APBA2: variants seen among roughly 807,000 people sequenced by gnomAD.
APBA2 encodes amyloid-beta A4 precursor protein-binding family A member 2.
A neutral mutation model predicts 75.0 loss-of-function variants in APBA2; 30 were observed. That is an observed-to-expected ratio of 0.40 (90% CI 0.30 to 0.54). The LOEUF is 0.54. Among genes scored for constraint, APBA2 ranks in the 20% least tolerant of loss-of-function variants. The pLI, the probability that APBA2 is intolerant of heterozygous loss-of-function variation, is 0.49. For synonymous variants in APBA2, 444 were observed against 409.6 expected (o/e 1.08, Z -1.01); for missense variants, 801 against 1,016.1 (o/e 0.79, Z 2.88).
chr15:29,014,413 T>C (rs2152819601), intron 3 of APBA2, among the ~76,000 whole-genome samples: 1 of 152,374 alleles, frequency 6.6e-6, no homozygotes, highest in East Asian at 1.9e-4. Context: ...TTCTTAGATG[T>C]GATCCCAAAA....
At chr15:28,919,896 A>C (rs1033801027) in intron 1 of APBA2, among the ~76,000 whole-genome samples, 2 of 152,154 alleles carry the variant, frequency 1.3e-5, no homozygotes, top group African/African-American at 4.8e-5. Flanking sequence ...CCGTGTGGCG[A>C]CAGTGGCATG....
chr15:28,886,338 G>A (rs1451486026), intron 1 of APBA2, 60 bp downstream of exon 1: 1 of 151,328 alleles, frequency 6.6e-6, no homozygotes, highest in African/African-American at 2.4e-5. Flanking sequence ...GGCCGCCCGG[G>A]GCGCCGCGAG....
intron 3 of APBA2, among the ~76,000 whole-genome samples, chr15:29,032,458 G>A (rs532559528): frequency 3.3e-5 from 5 of 152,176 alleles, no homozygotes; most frequent in South Asian, 4.1e-4. Flanking sequence ...CCAGCCTGCC[G>A]GCCTGCCCTG....
chr15:28,927,935 G>T (rs1048506290), intron 2 of APBA2, among the ~76,000 whole-genome samples: 2 of 151,092 alleles, frequency 1.3e-5, no homozygotes, highest in Non-Finnish European at 3.0e-5. Context: ...CCTGAGGTCG[G>T]GTGTTTGAGA....
At position 28,916,316 on chromosome 15, in the gene APBA2, G is replaced by A. The variant is rs2033689634; in HGVS notation, c.-204-5324G>A. On this transcript the variant is annotated intron_variant, in intron 1 of 14. Transcript: ENST00000683413. ...GGAAGTCCTGCTTCCTCCCCTTGCAGTCTACCCTTCCCCACAGGTCGTTTT... is the reference window on the plus strand; with the variant it reads ...GGAAGTCCTGCTTCCTCCCCTTGCAATCTACCCTTCCCCACAGGTCGTTTT... 2.6e-5 allele frequency among the ~76,000 whole-genome samples: 4 copies of A among 152,160 alleles called. 1 individual carries two copies. In the South Asian group the frequency reaches 8.3e-4, roughly 32 times the overall value.
At chr15:28,932,433 G>A (rs1294627623) in intron 2 of APBA2, among the ~76,000 whole-genome samples, 1 of 152,190 alleles carries the variant, frequency 6.6e-6, no homozygotes, top group Non-Finnish European at 1.5e-5. Context: ...GCACATGCAG[G>A]ATGTGACAAT....
intron 2 of APBA2, among the ~76,000 whole-genome samples, chr15:28,958,852 A>G: frequency 6.6e-6 from 1 of 151,738 alleles, no homozygotes; most frequent in East Asian, 1.9e-4. Flanking sequence ...CCTTTTTAAT[A>G]TCAGAAAATT....
intron 2 of APBA2, among the ~76,000 whole-genome samples, chr15:28,941,792 T>C (rs1228317696): frequency 1.3e-5 from 2 of 152,264 alleles, no homozygotes; most frequent in Non-Finnish European, 2.9e-5. Context: ...AGTCTCGCTC[T>C]TTCGCCCAGG....
chr15:29,114,318 C>T (rs1431300115), intron 14 of APBA2, among the ~76,000 whole-genome samples: 2 of 152,232 alleles, frequency 1.3e-5, no homozygotes, highest in Non-Finnish European at 2.9e-5. Context: ...GCTCTGGCCA[C>T]CCTGGCAGGC....
intron 3 of APBA2, among the ~76,000 whole-genome samples, chr15:29,013,932 C>T (rs554159937): frequency 1.6e-4 from 25 of 152,356 alleles, no homozygotes; most frequent in Middle Eastern, 3.4e-3. Context: ...CTTTCTCAAT[C>T]AAGCAGGATA....
At chr15:28,888,102 G>A (rs995575302) in intron 1 of APBA2, among the ~76,000 whole-genome samples, 5 of 152,304 alleles carry the variant, frequency 3.3e-5, no homozygotes, top group African/African-American at 1.2e-4. Context: ...TGGCCTGCTA[G>A]TTAACTTGTT....
Position 29,114,036 on chromosome 15 carries a change from GT to G in APBA2, c.2178+21del. On this transcript the variant is annotated intron_variant, in intron 14 of 14. Coordinates refer to ENST00000683413, the MANE Select transcript of APBA2 (RefSeq NM_001353788.2). The stretch of plus-strand genomic sequence containing the variant: ...GGAGAGGTAAGGAGGGACTTTGAGT[GT>G]GCCTCTGCATGCCGGTTCCCACGTG... 2.5e-6 allele frequency: 4 copies of G among 1,613,632 alleles called. No homozygotes were observed. The highest frequency in any genetic ancestry group is 3.4e-6 in the Non-Finnish European group (4 of 1,180,024).
intron 13 of APBA2, among the ~76,000 whole-genome samples, chr15:29,110,465 G>T (rs1393604352): frequency 6.6e-6 from 1 of 152,258 alleles, no homozygotes; most frequent in African/African-American, 2.4e-5. Flanking sequence ...CTCACTGACA[G>T]CCCTGTCGCT....
intron 1 of APBA2, among the ~76,000 whole-genome samples, chr15:28,907,841 A>T (rs1230371124): frequency 2.0e-5 from 3 of 152,090 alleles, no homozygotes; most frequent in Admixed American, 2.0e-4. Flanking sequence ...TCCCCAGGGG[A>T]GTGGCTGCTG....
At chr15:28,980,311 A>G (rs1003152539) in intron 2 of APBA2, among the ~76,000 whole-genome samples, 2 of 152,338 alleles carry the variant, frequency 1.3e-5, no homozygotes, top group Admixed American at 6.5e-5. Flanking sequence ...CACTGATGTT[A>G]TGATTCTATA....
At chr15:29,009,632 T>C (rs1261853360) in intron 3 of APBA2, among the ~76,000 whole-genome samples, 2 of 148,840 alleles carry the variant, frequency 1.3e-5, no homozygotes, top group Admixed American at 1.3e-4. Context: ...CCAAATGTTA[T>C]TTTTGCAAAT....
At chr15:29,029,340 A>G (rs1312369989) in intron 3 of APBA2, among the ~76,000 whole-genome samples, 1 of 152,068 alleles carries the variant, frequency 6.6e-6, no homozygotes, top group Admixed American at 6.5e-5. Context: ...ACCAAAAAAA[A>G]AAAACCCCTC....
intron 4 of APBA2, among the ~76,000 whole-genome samples, chr15:29,063,958 C>T (rs1319963946): frequency 6.6e-6 from 1 of 152,042 alleles, no homozygotes; most frequent in East Asian, 1.9e-4. Context: ...GGGTAAGGGC[C>T]TCCCAAGGTG....
chr15:28,930,895 C>G (rs1010340554), intron 2 of APBA2, among the ~76,000 whole-genome samples: 1 of 152,214 alleles, frequency 6.6e-6, no homozygotes, highest in Non-Finnish European at 1.5e-5. Flanking sequence ...CCCAGGCTGG[C>G]CCCACACTGG....
Sources: allele counts gnomAD v4.1 joint callset (sites outside exome capture counted in the v4.1 genomes callset), GRCh38; gene constraint gnomAD v4.1.1; transcripts MANE v1.5; gene names NCBI Gene and HGNC (gene_info 2026-07-23, HGNC 2026-07-21).